Variants in ATRN observed in about 807,000 individuals in gnomAD.
The protein encoded by ATRN is attractin.
ATRN carries 54 observed loss-of-function variants against 178.7 expected under a neutral mutation model. The ratio of observed to expected loss-of-function variants is 0.30; its 90% CI spans 0.24 to 0.38. The LOEUF (loss-of-function observed/expected upper bound fraction) is 0.38. ATRN is among the 10% of genes least tolerant of loss of function. The probability of loss-of-function intolerance (pLI) is 1.00; values close to 1 mark genes in which losing one functional copy is unlikely to be tolerated. For synonymous variants in ATRN, 636 were observed against 663.0 expected (o/e 0.96, Z 0.63); for missense variants, 1,443 against 1,815.1 (o/e 0.79, Z 3.73).
chr20:3,617,687 G>A (rs1325314523), intron 24 of ATRN, among the ~76,000 whole-genome samples: 2 of 152,044 alleles, frequency 1.3e-5, no homozygotes, highest in Admixed American at 6.6e-5. Context: ...ACAATGAAAA[G>A]AATAATACAG....
chr20:3,517,461 C>A (rs1297396655), intron 1 of ATRN, among the ~76,000 whole-genome samples: 1 of 151,894 alleles, frequency 6.6e-6, no homozygotes, highest in Non-Finnish European at 1.5e-5. Context: ...CATGCAGAAA[C>A]CATTGCAATG....
At chr20:3,541,109 G>T (rs1207758927) in intron 3 of ATRN, among the ~76,000 whole-genome samples, 4 of 137,664 alleles carry the variant, frequency 2.9e-5, no homozygotes, top group Non-Finnish European at 6.2e-5. Flanking sequence ...ACGGAGTCTC[G>T]CTCTGTCGCC....
At chr20:3,565,549 C>A in intron 11 of ATRN, 117 bp downstream of exon 11, 2 of 792,844 alleles carry the variant, frequency 2.5e-6, no homozygotes, top group Non-Finnish European at 4.2e-6. Context: ...GGGTGGAATA[C>A]GAGGTCAGGA....
chr20:3,599,633 T>C (rs540333036), intron 22 of ATRN, among the ~76,000 whole-genome samples: 1 of 152,344 alleles, frequency 6.6e-6, no homozygotes, highest in South Asian at 2.1e-4. Flanking sequence ...ATTTGCAAGA[T>C]GTGAAACCTG....
chr20:3,538,003 TTGTGCAG>T (rs1265875540), intron 2 of ATRN, among the ~76,000 whole-genome samples: 1 of 151,304 alleles, frequency 6.6e-6, no homozygotes, highest in Non-Finnish European at 1.5e-5. Flanking sequence ...CATGTGCACA[TTGTGCAG>T]GTTAGTTACA....
At chr20:3,597,028 C>A (rs1215486560) in intron 21 of ATRN, among the ~76,000 whole-genome samples, 2 of 123,660 alleles carry the variant, frequency 1.6e-5, no homozygotes, top group African/African-American at 6.3e-5. Flanking sequence ...CTTCAAAATT[C>A]ATGTCCACTT....
Position 3,615,690 on chromosome 20 carries a change from G to A in ATRN, c.3802-8821G>A, listed in dbSNP as rs193031364. 1.1e-4 allele frequency: 45 copies of A among 404,712 alleles called. No individual in the cohort carries two copies. In the Middle Eastern group the frequency reaches 5.4e-3, roughly 49 times the overall value. The allele number at this position is 404,712 out of a possible 1,614,324, so 25.1% of individuals were successfully genotyped here. A position where few individuals can be genotyped will look rare whatever the true frequency, so the allele number is the denominator to read the frequency against. ...CGTGCCTCAGCCTTGCGAGTAGCTG[G>A]GACTACAGGAACACTTCACCACGCC... On this transcript the variant is annotated intron_variant, in intron 24 of 28. Transcript: ENST00000262919.
At chr20:3,493,580 C>G (rs1263290503) in intron 1 of ATRN, among the ~76,000 whole-genome samples, 1 of 152,128 alleles carries the variant, frequency 6.6e-6, no homozygotes, top group Admixed American at 6.6e-5. Flanking sequence ...CAGGCATGAG[C>G]CAGTCTGGCT....
intron 11 of ATRN, 121 bp from the exon 12 acceptor site, chr20:3,572,610 A>T: frequency 1.3e-6 from 1 of 789,544 alleles, no homozygotes; most frequent in East Asian, 2.7e-5. Flanking sequence ...TGAGCCCAGG[A>T]GTTTGAGACT....
intron 1 of ATRN, among the ~76,000 whole-genome samples, chr20:3,515,941 A>AT (rs2085200632): frequency 1.3e-5 from 2 of 152,162 alleles, no homozygotes; most frequent in South Asian, 4.1e-4. Flanking sequence ...ATGGGAAAAA[A>AT]ATATATAGTT....
chr20:3,496,158 C>T (rs555777939), intron 1 of ATRN, among the ~76,000 whole-genome samples: 1 of 151,732 alleles, frequency 6.6e-6, no homozygotes, highest in South Asian at 2.1e-4. Flanking sequence ...TCCTTCAGTT[C>T]TGCTCTGATT....
chr20:3,529,440 T>TAA (rs1174339624), intron 1 of ATRN, among the ~76,000 whole-genome samples: 7 of 152,230 alleles, frequency 4.6e-5, no homozygotes, highest in African/African-American at 1.7e-4. Flanking sequence ...GTAATCCAAG[T>TAA]GTCCACCAAT....
At chr20:3,613,032 C>T (rs543193603) in intron 24 of ATRN, among the ~76,000 whole-genome samples, 1 of 152,276 alleles carries the variant, frequency 6.6e-6, no homozygotes, top group South Asian at 2.1e-4. Flanking sequence ...CTTCCCCACA[C>T]TTACTTCTAA....
intron 1 of ATRN, among the ~76,000 whole-genome samples, chr20:3,522,059 G>C (rs2085303653): frequency 6.6e-6 from 1 of 151,952 alleles, no homozygotes; most frequent in South Asian, 2.1e-4. Context: ...CAAAATGCTA[G>C]GGTTATAGAC....
At chr20:3,511,786 CAATCTT>C (rs2085131800) in intron 1 of ATRN, among the ~76,000 whole-genome samples, 1 of 152,016 alleles carries the variant, frequency 6.6e-6, no homozygotes. Flanking sequence ...ATTTTCTTGA[CAATCTT>C]AATCATGACA....
At position 3,500,850 on chromosome 20, in the gene ATRN, TA is replaced by T. The variant is rs1230202562; in HGVS notation, c.410+29340del. 2.6e-5 allele frequency among the ~76,000 whole-genome samples: 4 copies of T among 151,812 alleles called. No homozygotes were observed. In the East Asian group the frequency reaches 5.8e-4, roughly 22 times the overall value. ...TTAAAGTATAATGATAATAAATTTTTAAAAAAATTTAAAAAAATAAAAATAA... is the reference window on the plus strand; with the variant it reads ...TTAAAGTATAATGATAATAAATTTTTAAAAAATTTAAAAAAATAAAAATAA... On this transcript the variant is annotated intron_variant, in intron 1 of 28. Transcript: ENST00000262919.
At chr20:3,629,484 A>AT (rs11482439) in intron 25 of ATRN, among the ~76,000 whole-genome samples, 2,415 of 152,154 alleles carry the variant, frequency 0.016, 64 homozygotes, top group African/African-American at 0.055. Context: ...ACCTTGCTTG[A>AT]TTTTTCCAGA....
rs565851215 is a variant in ATRN at position 3,645,812 on chromosome 20, A to G, written c.4166-911A>G. Among the ~76,000 whole-genome samples the G allele has an allele frequency of 4.3e-4, 65 of 150,704 alleles. No homozygotes were observed. The highest frequency in any genetic ancestry group is 1.4e-3 in the African/African-American group (58 of 41,012). ...GCAAGTAACACGCTCCACTAACACAACTCCTGGCAGGTCTCAGCAGAGCTC... is the reference window on the plus strand; with the variant it reads ...GCAAGTAACACGCTCCACTAACACAGCTCCTGGCAGGTCTCAGCAGAGCTC... On this transcript the variant is annotated intron_variant, in intron 28 of 28. Transcript: ENST00000262919. This position sits in a 1 kb window ranked among gnomAD's most constrained non-coding sequence, Gnocchi z 4.7.
chr20:3,631,894 A>G (rs1362981574), intron 25 of ATRN, among the ~76,000 whole-genome samples: 2 of 152,160 alleles, frequency 1.3e-5, no homozygotes, highest in African/African-American at 2.4e-5. Flanking sequence ...AAAGACTGAG[A>G]AGGTTATTCT....
Sources: gnomAD v4.1 joint callset for allele counts (sites outside exome capture counted in the v4.1 genomes callset) on GRCh38, gnomAD v4.1.1 for gene constraint, Gnocchi (gnomAD v3.1) non-coding constraint, MANE v1.5 for transcripts, NCBI Gene and HGNC (gene_info 2026-07-23, HGNC 2026-07-21) for gene names.